ENOX1: variants seen among roughly 807,000 people sequenced by gnomAD.
ENOX1 encodes the protein ecto-NOX disulfide-thiol exchanger 1.
ENOX1 carries 42 observed loss-of-function variants against 82.5 expected under a neutral mutation model. The ratio of observed to expected loss-of-function variants is 0.51; its 90% CI spans 0.40 to 0.66. The LOEUF is 0.66. Ranked by LOEUF, ENOX1 falls within the 30% of genes least tolerant of loss-of-function variation. The pLI is 0.00. For synonymous variants in ENOX1, 271 were observed against 282.2 expected (o/e 0.96, Z 0.40); for missense variants, 608 against 811.6 (o/e 0.75, Z 3.05).
intron 7 of ENOX1, among the ~76,000 whole-genome samples, chr13:43,357,860 C>G (rs2050248622): frequency 1.3e-5 from 2 of 152,096 alleles, no homozygotes; most frequent in Admixed American, 1.3e-4. Flanking sequence ...CTTGCTGGAG[C>G]CCACAAACAG....
At chr13:43,600,889 A>G (rs2153731493) in intron 2 of ENOX1, among the ~76,000 whole-genome samples, 1 of 152,296 alleles carries the variant, frequency 6.6e-6, no homozygotes, top group East Asian at 1.9e-4. Context: ...CTGCCTGGTA[A>G]TCCAGAGAAT....
intron 1 of ENOX1, among the ~76,000 whole-genome samples, chr13:43,685,295 G>A (rs2086009086): frequency 6.6e-6 from 1 of 152,012 alleles, no homozygotes; most frequent in Non-Finnish European, 1.5e-5. Flanking sequence ...TATTCCCCTG[G>A]GTAGCTTGCT....
chr13:43,769,700 C>G (rs991659721), intron 1 of ENOX1, among the ~76,000 whole-genome samples: 3 of 152,298 alleles, frequency 2.0e-5, no homozygotes, highest in Non-Finnish European at 4.4e-5. Flanking sequence ...AGAATACATT[C>G]CTCTCCATCC....
intron 2 of ENOX1, among the ~76,000 whole-genome samples, chr13:43,649,920 A>G (rs2084078324): frequency 6.6e-6 from 1 of 152,136 alleles, no homozygotes; most frequent in Non-Finnish European, 1.5e-5. Flanking sequence ...TCCCTCCAGG[A>G]TTCCCTGACA....
chr13:43,701,691 G>A (rs1244784247), intron 1 of ENOX1, among the ~76,000 whole-genome samples: 1 of 151,826 alleles, frequency 6.6e-6, no homozygotes, highest in East Asian at 1.9e-4. Flanking sequence ...TTATCTTTCA[G>A]GATTGTGATT....
At chr13:43,621,888 A>G (rs937901548) in intron 2 of ENOX1, among the ~76,000 whole-genome samples, 1 of 152,140 alleles carries the variant, frequency 6.6e-6, no homozygotes, top group Non-Finnish European at 1.5e-5. Flanking sequence ...AGGAAGACCA[A>G]TTATTCTCAG....
intron 3 of ENOX1, among the ~76,000 whole-genome samples, chr13:43,436,570 C>A (rs190404624): frequency 6.6e-6 from 1 of 152,106 alleles, no homozygotes; most frequent in African/African-American, 2.4e-5. Context: ...TGTTCACAAC[C>A]TTTCATGGCA....
At chr13:43,275,544 GTAGA>G (rs1002616040) in intron 12 of ENOX1, among the ~76,000 whole-genome samples, 6 of 150,736 alleles carry the variant, frequency 4.0e-5, no homozygotes, top group Non-Finnish European at 7.4e-5. Flanking sequence ...CTAACACAAG[GTAGA>G]TAGATATAGA....
chr13:43,719,687 CG>C (rs2088434069), intron 1 of ENOX1, among the ~76,000 whole-genome samples: 1 of 152,174 alleles, frequency 6.6e-6, no homozygotes, highest in East Asian at 1.9e-4. Context: ...TGGACAGTCT[CG>C]GAACATGCAA....
intron 3 of ENOX1, among the ~76,000 whole-genome samples, chr13:43,433,951 C>T (rs1439005530): frequency 1.3e-5 from 2 of 152,162 alleles, no homozygotes; most frequent in African/African-American, 2.4e-5. Flanking sequence ...AGTCTTTGCA[C>T]AGTAGAGATG....
At chr13:43,621,163 A>T (rs1370356500) in intron 2 of ENOX1, among the ~76,000 whole-genome samples, 1 of 152,196 alleles carries the variant, frequency 6.6e-6, no homozygotes, top group African/African-American at 2.4e-5. Flanking sequence ...TCCTGAAGGC[A>T]GCAGATGGTT....
At position 43,780,887 on chromosome 13, in the gene ENOX1, T is replaced by C. The variant is rs555868980; in HGVS notation, c.-285+5765A>G. 3.9e-5 allele frequency among the ~76,000 whole-genome samples: 6 copies of C among 152,318 alleles called. 1 individual carries two copies. The highest frequency in any genetic ancestry group is 3.9e-4 in the Admixed American group (6 of 15,302). ...ACCTCACCTGTGGCTTTTCTCCCAC[T>C]GTTAGAGATGTTAACACAGCACCTT... On this transcript the variant is annotated intron_variant, in intron 1 of 16. Transcript: ENST00000690772.
intron 1 of ENOX1, among the ~76,000 whole-genome samples, chr13:43,717,898 G>T (rs2088262960): frequency 6.6e-6 from 1 of 152,152 alleles, no homozygotes; most frequent in Non-Finnish European, 1.5e-5. Flanking sequence ...TGCTGGTGAG[G>T]CTGCAGAGAA....
intron 2 of ENOX1, among the ~76,000 whole-genome samples, chr13:43,495,918 T>C (rs760174369): frequency 4.6e-5 from 7 of 152,158 alleles, no homozygotes; most frequent in Non-Finnish European, 1.0e-4. Flanking sequence ...TCATGGCTAA[T>C]GATGTCATTA....
At position 43,566,078 on chromosome 13, in the gene ENOX1, T is replaced by A. The variant is rs1212606322; in HGVS notation, c.-218-81926A>T. Among the ~76,000 whole-genome samples, 4 of 152,182 alleles carry A rather than the reference T, an allele frequency of 2.6e-5. No homozygotes were observed. In the East Asian group the frequency reaches 7.7e-4, roughly 29 times the overall value. ...AAGAAAAGGAAATTTAAGAAATGCA[T>A]GTTTTCCTGAGCCAAGTTTCAACTA... On this transcript the variant is annotated intron_variant, in intron 2 of 16. Coordinates refer to ENST00000690772, the MANE Select transcript of ENOX1 (RefSeq NM_001347969.2).
chr13:43,342,727 GA>G (rs759503508), intron 9 of ENOX1, among the ~76,000 whole-genome samples: 13 of 152,188 alleles, frequency 8.5e-5, no homozygotes, highest in Non-Finnish European at 1.9e-4. Context: ...CCAACATTCA[GA>G]AGCCAATTAT....
intron 2 of ENOX1, among the ~76,000 whole-genome samples, chr13:43,610,406 C>T (rs1424864166): frequency 6.6e-6 from 1 of 152,140 alleles, no homozygotes; most frequent in Non-Finnish European, 1.5e-5. Context: ...CATGTGAATG[C>T]TGAGAAAGGC....
intron 3 of ENOX1, among the ~76,000 whole-genome samples, chr13:43,447,265 G>A (rs2056700961): frequency 6.6e-6 from 1 of 152,204 alleles, no homozygotes; most frequent in Non-Finnish European, 1.5e-5. Context: ...TAGTAGGCTT[G>A]ATAAATATTT....
intron 2 of ENOX1, among the ~76,000 whole-genome samples, chr13:43,639,395 T>G (rs954089567): frequency 6.6e-6 from 1 of 152,184 alleles, no homozygotes; most frequent in Non-Finnish European, 1.5e-5. Context: ...GAGAACAAAC[T>G]GTTTATTGTA....
Sources: allele counts gnomAD v4.1 joint callset (sites outside exome capture counted in the v4.1 genomes callset), GRCh38; gene constraint gnomAD v4.1.1; transcripts MANE v1.5; gene names NCBI Gene and HGNC (gene_info 2026-07-23, HGNC 2026-07-21).